Variants in PSD3 observed in about 807,000 individuals in gnomAD.
PSD3 encodes PH and SEC7 domain-containing protein 3.
In PSD3, 49 loss-of-function variants were observed where a neutral mutation model predicts 105.5. The observed-to-expected ratio is 0.46, with a 90% confidence interval of 0.37 to 0.59. The LOEUF (loss-of-function observed/expected upper bound fraction) is 0.59, where lower values mean the gene tolerates loss of function less well. PSD3 is among the 20% of genes least tolerant of loss of function. PSD3 has a pLI of 0.00. For missense variants in PSD3, 1,561 were observed against 1,263.8 expected (o/e 1.24, Z -3.57); for synonymous variants, 557 against 457.8 (o/e 1.22, Z -2.77).
chr8:18,828,434 C>T (rs549667893), intron 4 of PSD3, among the ~76,000 whole-genome samples: 4 of 152,006 alleles, frequency 2.6e-5, no homozygotes, highest in Non-Finnish European at 5.9e-5. Context: ...ATTCAAGCTT[C>T]GATACAAGAA....
At chr8:18,721,109 C>T (rs1336553617) in intron 9 of PSD3, 1 of 152,164 alleles carries the variant, frequency 6.6e-6, no homozygotes, top group East Asian at 1.9e-4. Flanking sequence ...AGGCCCTTCT[C>T]ACCCGAAGAG....
intron 11 of PSD3, among the ~76,000 whole-genome samples, chr8:18,612,082 G>A (rs1056061835): frequency 5.9e-5 from 9 of 152,036 alleles, no homozygotes; most frequent in South Asian, 4.2e-4. Context: ...CAAGCTGTAC[G>A]GAAAAGAAAA....
chr8:19,079,157 C>T (rs1038033588), intron 1 of PSD3, among the ~76,000 whole-genome samples: 18 of 151,976 alleles, frequency 1.2e-4, no homozygotes, highest in Non-Finnish European at 2.4e-4. Context: ...AGCAAGAGAA[C>T]GTTGTCATGG....
chr8:18,707,819 G>T (rs1190725650), intron 9 of PSD3, among the ~76,000 whole-genome samples: 2 of 152,208 alleles, frequency 1.3e-5, no homozygotes, highest in African/African-American at 4.8e-5. Flanking sequence ...GGAAGTAAGA[G>T]ACGCAAAAAG....
intron 1 of PSD3, among the ~76,000 whole-genome samples, chr8:18,957,555 C>T (rs1189282341): frequency 6.6e-6 from 1 of 151,974 alleles, no homozygotes; most frequent in Non-Finnish European, 1.5e-5. Context: ...GGAATGCTGA[C>T]AGAAGATGGC....
chr8:18,588,537 G>A (rs1405605150), intron 12 of PSD3, among the ~76,000 whole-genome samples: 6 of 151,874 alleles, frequency 4.0e-5, no homozygotes, highest in African/African-American at 9.7e-5. Flanking sequence ...ATAGCAACCC[G>A]AACAATAACC....
intron 6 of PSD3, among the ~76,000 whole-genome samples, chr8:18,803,625 T>C (rs930905532): frequency 1.3e-5 from 2 of 152,176 alleles, no homozygotes; most frequent in Non-Finnish European, 2.9e-5. Context: ...GAAGACATTC[T>C]GATATATGCT....
At chr8:18,694,606 T>A (rs1011288275) in intron 9 of PSD3, among the ~76,000 whole-genome samples, 1 of 58,560 alleles carries the variant, frequency 1.7e-5, no homozygotes, top group South Asian at 7.1e-4. Context: ...TGAGACTGCA[T>A]CTCCGAAAAA....
chr8:19,081,786 C>A (rs536989740), intron 1 of PSD3, among the ~76,000 whole-genome samples: 2 of 152,230 alleles, frequency 1.3e-5, no homozygotes, highest in African/African-American at 4.8e-5. Flanking sequence ...CATTTTGAAT[C>A]CTGCAAAGAA....
intron 1 of PSD3, among the ~76,000 whole-genome samples, chr8:18,969,515 G>C (rs1407627604): frequency 1.3e-5 from 2 of 152,176 alleles, no homozygotes; most frequent in African/African-American, 4.8e-5. Context: ...AAAAAATTAT[G>C]TTATACCAAC....
chr8:18,934,429 G>C (rs76065642), intron 2 of PSD3, among the ~76,000 whole-genome samples: 1 of 151,094 alleles, frequency 6.6e-6, no homozygotes, highest in East Asian at 1.9e-4. Flanking sequence ...CTTTTTTTTT[G>C]AGACGGAGTC....
At chr8:18,724,770 A>C (rs10888159) in intron 9 of PSD3, among the ~76,000 whole-genome samples, 19,669 of 152,132 alleles carry the variant, frequency 0.13, 1,950 homozygotes, top group East Asian at 0.4. Context: ...TAAGCTTATT[A>C]ATAAATGGAA....
intron 4 of PSD3, among the ~76,000 whole-genome samples, chr8:18,845,735 G>A (rs1034937839): frequency 6.6e-6 from 1 of 152,114 alleles, no homozygotes; most frequent in African/African-American, 2.4e-5. Context: ...CCGGTCGTTG[G>A]AGACCAGCCA....
At chr8:18,540,009 C>T (rs144636600) in intron 15 of PSD3, among the ~76,000 whole-genome samples, 5 of 152,084 alleles carry the variant, frequency 3.3e-5, no homozygotes, top group South Asian at 2.1e-4. Context: ...TGGAACTGTG[C>T]GCTTTATTAA....
chr8:18,667,527 C>T (rs1799541716), intron 9 of PSD3, among the ~76,000 whole-genome samples: 1 of 152,186 alleles, frequency 6.6e-6, no homozygotes, highest in Non-Finnish European at 1.5e-5. Context: ...CTGAGGTAGA[C>T]ACAGGGTGCT....
chr8:18,847,407 A>G (rs34629387), intron 4 of PSD3, among the ~76,000 whole-genome samples: 76,148 of 151,636 alleles, frequency 0.5, 19,671 homozygotes, highest in Admixed American at 0.6. Context: ...AGCCAAAAGC[A>G]CTCTCTCCCT....
At chr8:18,948,546 AC>A (rs1486000850) in intron 1 of PSD3, among the ~76,000 whole-genome samples, 3 of 152,182 alleles carry the variant, frequency 2.0e-5, no homozygotes, top group African/African-American at 7.2e-5. Context: ...CAAAACAAGT[AC>A]TATGCAAAGC....
chr8:18,690,904 T>C (rs1037366177), intron 9 of PSD3, among the ~76,000 whole-genome samples: 7 of 152,220 alleles, frequency 4.6e-5, no homozygotes, highest in Non-Finnish European at 7.3e-5. Flanking sequence ...AAGTTTTTTC[T>C]AGCAGTGGGG....
At chr8:19,054,369 G>A (rs1828637260) in intron 1 of PSD3, among the ~76,000 whole-genome samples, 1 of 152,124 alleles carries the variant, frequency 6.6e-6, no homozygotes, top group Admixed American at 6.5e-5. Context: ...AGGGACAATG[G>A]CTACCTGGTT....
Sources: allele counts gnomAD v4.1 joint callset (sites outside exome capture counted in the v4.1 genomes callset), GRCh38; gene constraint gnomAD v4.1.1; transcripts MANE v1.5; gene names NCBI Gene and HGNC (gene_info 2026-07-23, HGNC 2026-07-21).